The following CHD4 variants were observed in gnomAD, a reference collection of about 807,000 sequenced individuals.
The protein encoded by CHD4 is ATP-dependent chromatin remodeler CHD4.
Under a neutral mutation model 235.5 loss-of-function variants are expected in CHD4, and 35 were observed. The ratio of observed to expected loss-of-function variants is 0.15; its 90% CI spans 0.11 to 0.20. The LOEUF (loss-of-function observed/expected upper bound fraction) is 0.20. CHD4 is among the 10% of genes least tolerant of loss of function. The pLI, the probability that CHD4 is intolerant of heterozygous loss-of-function variation, is 1.00. For missense variants in CHD4, 1,329 were observed against 2,432.3 expected, an observed-to-expected ratio of 0.55 and a Z score of 9.54; for synonymous variants, 900 against 850.2, an observed-to-expected ratio of 1.06 and a Z score of -1.02.
Position 6,583,274 on chromosome 12 carries a change from A to G in CHD4, c.3984T>C (p.Asp1328=). 1 of 1,614,110 alleles carries G rather than the reference A, an allele frequency of 6.2e-7. No individual in the cohort carries two copies. Among genetic ancestry groups the G allele is most frequent in the Middle Eastern group, 1.6e-4 (1 of 6,062 alleles). ...LRHHYEQQQE[D]LARNLGKGKR... is the part of the protein sequence containing the mutation. ...TTCCTTTGCCCAGATTTCGGGCTAG[A>G]TCTTCTTGCTGCTGCTCATAATGGT... Residue 1328 remains aspartate (D), a synonymous_variant, in exon 26 of 40, where the codon GAT becomes GAC. Transcript: ENST00000544040.
intron 23 of CHD4, 105 bp from the exon 24 acceptor site, chr12:6,588,054 G>T: frequency 1.6e-6 from 2 of 1,261,322 alleles, no homozygotes; most frequent in Non-Finnish European, 1.1e-6. Context: ...AAGGTCCACA[G>T]CCTACATTCA....
At position 6,593,726 on chromosome 12, in the gene CHD4, T is replaced by C. The variant is rs1376648655; in HGVS notation, c.2314-110A>G. On this transcript the variant is annotated intron_variant, in intron 15 of 39. Coordinates refer to ENST00000544040, the MANE Select transcript of CHD4 (RefSeq NM_001273.5). This position sits in a 1 kb window ranked among gnomAD's most constrained non-coding sequence, Gnocchi z 4.9. ...AAGCTGAGCCAAGGACTGACACACC[T>C]GCGCTGCTGCTCCTGCTCTCACCTT... is the stretch of plus-strand genomic sequence containing the variant. 20 of 915,416 alleles carry C rather than the reference T, an allele frequency of 2.2e-5. No homozygotes were observed. In the East Asian group the frequency reaches 4.5e-4, roughly 21 times the overall value. 56.7% of individuals were successfully genotyped at this position (915,416 alleles called of 1,614,324 possible).
In CHD4 at chr12:6,592,639, C is replaced by A. The variant is rs888054348; in HGVS notation, c.2774+57G>T. The A allele has an allele frequency of 2.0e-5, 31 of 1,577,448 alleles. No individual in the cohort carries two copies. The Admixed American group carries it at 2.6e-4, about 13-fold the overall frequency. ...AAAGAAAAGTGATACAGGAAATGGG[C>A]AACAGGAAGAATGAGAGGCACAATT... On this transcript the variant is annotated intron_variant, in intron 18 of 39. Coordinates refer to ENST00000544040, the MANE Select transcript of CHD4 (RefSeq NM_001273.5).
At chr12:6,580,278 CTTAAG>C (rs1948157603) in intron 33 of CHD4, 1 of 151,862 alleles carries the variant, frequency 6.6e-6, no homozygotes, top group Non-Finnish European at 1.5e-5. Flanking sequence ...TAAGAGATAC[CTTAAG>C]TTAGGGGAAA....
intron 24 of CHD4, 59 bp downstream of exon 24, chr12:6,587,653 T>C (rs1335036510): frequency 6.2e-7 from 1 of 1,603,662 alleles, no homozygotes; most frequent in Non-Finnish European, 8.5e-7. Flanking sequence ...TCAAAGATTC[T>C]CCCTAACCTT....
At chr12:6,571,073 A>C (rs1431296648) in intron 38 of CHD4, 41 bp from the exon 39 acceptor site, 1 of 1,604,480 alleles carries the variant, frequency 6.2e-7, no homozygotes, top group Non-Finnish European at 8.5e-7. Context: ...GTGGTGGCCC[A>C]GACTGAGCTC....
intron 37 of CHD4, among the ~76,000 whole-genome samples, chr12:6,577,283 G>A (rs1948087089): frequency 6.6e-6 from 1 of 152,058 alleles, no homozygotes; most frequent in Non-Finnish European, 1.5e-5. Flanking sequence ...ACAGCTGGGT[G>A]TGGTGGCAGG....
At chr12:6,580,964 G>T in intron 33 of CHD4, 80 bp downstream of exon 33, 1 of 1,524,796 alleles carries the variant, frequency 6.6e-7, no homozygotes, top group Non-Finnish European at 8.9e-7. Flanking sequence ...CCAAGATCGC[G>T]CCACAGCACT....
chr12:6,597,793 G>GT (rs2136220609), intron 12 of CHD4, 101 bp downstream of exon 12: 1 of 1,064,816 alleles, frequency 9.4e-7, no homozygotes, highest in Non-Finnish European at 1.4e-6. Flanking sequence ...AAAAAAACCA[G>GT]TGTCTTCCAA....
chr12:6,574,536 C>T (rs984686744), intron 37 of CHD4, among the ~76,000 whole-genome samples: 3 of 152,096 alleles, frequency 2.0e-5, no homozygotes, highest in Non-Finnish European at 4.4e-5. Context: ...ACATATGACT[C>T]AACATAAGAG....
rs1264906886 is a variant in CHD4 at position 6,591,737 on chromosome 12, T to C, written c.3179A>G (p.Lys1060Arg). The C allele has an allele frequency of 1.2e-6, 2 of 1,614,134 alleles. No individual in the cohort carries two copies. Among genetic ancestry groups the C allele is most frequent in the Non-Finnish European group, 8.5e-7 (1 of 1,180,056 alleles). ...ACGATGCCCACCCTCCTTAAGGTTCTTGAGCATTTTCTGCAGCAGCAATAA... is the reference window on the plus strand; with the variant it reads ...ACGATGCCCACCCTCCTTAAGGTTCCTGAGCATTTTCTGCAGCAGCAATAA... ...GKLLLLQKMLKNLKEGGHRVL... is the reference protein window; with the variant it reads ...GKLLLLQKMLRNLKEGGHRVL... Residue 1060 changes from lysine to arginine, a missense_variant, in exon 21 of 40, where the codon AAG becomes AGG. Lys to Arg is a conservative substitution (Grantham distance 26, BLOSUM62 2). Coordinates refer to ENST00000544040, the MANE Select transcript of CHD4 (RefSeq NM_001273.5).
At chr12:6,588,482 A>G in intron 22 of CHD4, 60 bp from the exon 23 acceptor site, 1 of 1,587,366 alleles carries the variant, frequency 6.3e-7, no homozygotes, top group Non-Finnish European at 8.6e-7. Context: ...TCATAAATGT[A>G]GTTTAAAAAA....
rs1454698858 is a variant in CHD4 at position 6,577,767 on chromosome 12, T to G, written c.5361+18A>C. The G allele has an allele frequency of 1.2e-6, 2 of 1,613,686 alleles. No individual in the cohort carries two copies. Among genetic ancestry groups the G allele is most frequent in the African/African-American group, 2.7e-5 (2 of 74,930 alleles). ...CAAGTTTGTCACTTAAGCAATATAT[T>G]CCTCCCCAACCGCTCACCTTAAACC... On this transcript the variant is annotated intron_variant, in intron 37 of 39. Coordinates refer to ENST00000544040, the MANE Select transcript of CHD4 (RefSeq NM_001273.5).
chr12:6,585,574 G>A (rs781398794), intron 25 of CHD4, among the ~76,000 whole-genome samples: 1 of 150,910 alleles, frequency 6.6e-6, no homozygotes, highest in Non-Finnish European at 1.5e-5. Context: ...GAGCCACCAC[G>A]TCTGGCCCAA....
intron 12 of CHD4, among the ~76,000 whole-genome samples, chr12:6,597,689 C>G (rs1235787489): frequency 6.6e-6 from 1 of 152,112 alleles, no homozygotes; most frequent in Non-Finnish European, 1.5e-5. Flanking sequence ...TCACTTGAAT[C>G]TGGGAGGCAG....
chr12:6,584,886 G>C (rs991704327), intron 25 of CHD4: 1 of 152,236 alleles, frequency 6.6e-6, no homozygotes, highest in Admixed American at 6.5e-5. Flanking sequence ...AGGAATGTGA[G>C]CATTCTATCA....
intron 8 of CHD4, 22 bp from the exon 9 acceptor site, chr12:6,600,417 C>A: frequency 3.7e-6 from 6 of 1,612,462 alleles, no homozygotes; most frequent in Non-Finnish European, 5.1e-6. Flanking sequence ...AGAGGGAAAG[C>A]CCAGTTATTG....
At position 6,598,099 on chromosome 12, in the gene CHD4, G is replaced by A; in HGVS notation, c.1687C>T (p.Leu563=). The A allele has an allele frequency of 5.0e-6, 8 of 1,614,120 alleles. No individual in the cohort carries two copies. Among genetic ancestry groups the A allele is most frequent in the Non-Finnish European group, 6.8e-6 (8 of 1,180,022 alleles). The change falls in exon 12 of 40, where the codon CTG becomes TTG. Residue 563 remains leucine (L), a splice_region_variant and synonymous_variant. Transcript: ENST00000544040. ...WHCSWVSELQ[L]ELHCQVMFRN... ...AACATCACCTGACAGTGCAGCTCCA[G>A]CTTTGAGCGGAAAGAGAAAATCAGC...
rs1037971289 is a variant in CHD4, at chr12:6,598,335, C to T, written c.1573G>A (p.Ala525Thr). Residue 525 changes from alanine (A) to threonine (T), a missense_variant, in exon 11 of 40, where the codon GCT (alanine) becomes ACT (threonine). Ala to Thr is a moderately conservative substitution (Grantham distance 58). This residue lies in a region of CHD4 where 45 missense variants were observed against 47.5 expected (regional missense o/e 0.95). Transcript: ENST00000544040. ...SPTPVPRPPD[A>T]DPNTPSPKPL... ...TTTGGGGAGGGCGTGTTGGGATCAG[C>T]ATCTGGAGGCCGAGGCACTGGTGTG... 6.2e-6 allele frequency: 10 copies of T among 1,614,150 alleles called. No individual in the cohort carries two copies. Among genetic ancestry groups the T allele is most frequent in the Non-Finnish European group, 8.5e-6 (10 of 1,180,004 alleles).
Sources: allele counts gnomAD v4.1 joint callset (sites outside exome capture counted in the v4.1 genomes callset), GRCh38; gene constraint gnomAD v4.1.1; regional missense constraint gnomAD v4.1.1; non-coding constraint Gnocchi (gnomAD v3.1); transcripts MANE v1.5; gene names NCBI Gene and HGNC (gene_info 2026-07-23, HGNC 2026-07-21).